Variants in ADAM22 observed in about 807,000 individuals in gnomAD.
ADAM22 encodes disintegrin and metalloproteinase domain-containing protein 22.
ADAM22 carries 65 observed loss-of-function variants against 144.6 expected under a neutral mutation model. The observed-to-expected ratio is 0.45, with a 90% CI of 0.37 to 0.55. ADAM22 has a LOEUF of 0.55. ADAM22 is among the 20% of genes least tolerant of loss of function. The pLI is 0.00. For missense variants in ADAM22, 974 were observed against 1,184.9 expected, an observed-to-expected ratio of 0.82 and a Z score of 2.61; for synonymous variants, 391 against 412.6, an observed-to-expected ratio of 0.95 and a Z score of 0.63.
At chr7:87,979,984 A>C (rs549907844) in intron 3 of ADAM22, among the ~76,000 whole-genome samples, 1 of 152,120 alleles carries the variant, frequency 6.6e-6, no homozygotes, top group Non-Finnish European at 1.5e-5. Flanking sequence ...TTGACTTTTA[A>C]TACTCAAACA....
intron 2 of ADAM22, among the ~76,000 whole-genome samples, chr7:87,976,747 A>G (rs925822358): frequency 6.6e-6 from 1 of 152,182 alleles, no homozygotes; most frequent in Non-Finnish European, 1.5e-5. Context: ...CTTTTGAACT[A>G]AAGAGCAGAA....
chr7:88,176,652 T>C (rs984956648), intron 26 of ADAM22, among the ~76,000 whole-genome samples: 1 of 152,202 alleles, frequency 6.6e-6, no homozygotes, highest in African/African-American at 2.4e-5. Context: ...TTACTTAATG[T>C]TTAAATTTAA....
intron 3 of ADAM22, among the ~76,000 whole-genome samples, chr7:87,988,848 ACT>A (rs748788977): frequency 3.4e-4 from 52 of 152,176 alleles, no homozygotes; most frequent in Non-Finnish European, 5.6e-4. Flanking sequence ...TGGTAAAATA[ACT>A]CTGTTACAGG....
intron 8 of ADAM22, among the ~76,000 whole-genome samples, chr7:88,126,382 G>A (rs574254700): frequency 6.6e-6 from 1 of 152,036 alleles, no homozygotes; most frequent in South Asian, 2.1e-4. Context: ...ACAAGATGAA[G>A]GGAATAGATC....
chr7:88,098,872 T>A (rs1218674406), intron 4 of ADAM22, among the ~76,000 whole-genome samples: 1 of 152,228 alleles, frequency 6.6e-6, no homozygotes, highest in Non-Finnish European at 1.5e-5. Context: ...TTTTGGTTTT[T>A]AAAATGTTTT....
In ADAM22 at chr7:88,163,777, G is replaced by C. The variant is rs546290885; in HGVS notation, c.2076+597G>C. ...TATCAGATAATGTGTATCCTGTACA[G>C]GTAAGTTTACAGGTTAAATATTCAT... On this transcript the variant is annotated intron_variant, in intron 23 of 31. Coordinates refer to ENST00000413139, the MANE Select transcript of ADAM22 (RefSeq NM_001324418.2). Among the ~76,000 whole-genome samples, 299 of 152,160 alleles carry C rather than the reference G, an allele frequency of 2.0e-3. 1 individual carries two copies. Among genetic ancestry groups the C allele is most frequent in the Non-Finnish European group, 3.6e-3 (242 of 67,972 alleles).
At chr7:88,001,773 C>T (rs1207862818) in intron 3 of ADAM22, among the ~76,000 whole-genome samples, 1 of 151,670 alleles carries the variant, frequency 6.6e-6, no homozygotes, top group Non-Finnish European at 1.5e-5. Flanking sequence ...TATAATTCTC[C>T]TGTTACTAGC....
In ADAM22 at chr7:88,182,030, T is replaced by G. The variant is rs781350221; in HGVS notation, c.2663+6T>G. 1 of 1,611,578 alleles carries G rather than the reference T, an allele frequency of 6.2e-7. No individual in the cohort carries two copies. ...CCTCGGTCTAATTCAACTGAGTAAG[T>G]CTGAACCTCTAATGGAAAAAGGCAC... is the stretch of plus-strand genomic sequence containing the variant. On this transcript the variant is annotated splice_donor_region_variant and intron_variant, in intron 29 of 31. Transcript: ENST00000413139.
At chr7:88,077,461 G>A (rs528329559) in intron 4 of ADAM22, among the ~76,000 whole-genome samples, 15 of 152,248 alleles carry the variant, frequency 9.9e-5, no homozygotes, top group African/African-American at 2.9e-4. Flanking sequence ...CTGAGGTACC[G>A]GGTTCATCTC....
At chr7:87,968,660 T>G (rs2129446740) in intron 2 of ADAM22, among the ~76,000 whole-genome samples, 1 of 152,256 alleles carries the variant, frequency 6.6e-6, no homozygotes, top group South Asian at 2.1e-4. Context: ...AATTTGAGGT[T>G]ACAGTGAGCT....
chr7:87,958,540 C>T (rs2129444802), intron 2 of ADAM22, among the ~76,000 whole-genome samples: 1 of 152,116 alleles, frequency 6.6e-6, no homozygotes, highest in African/African-American at 2.4e-5. Context: ...CACGCACCAT[C>T]ATGCCCAGCT....
At chr7:87,998,917 T>C (rs1373713897) in intron 3 of ADAM22, among the ~76,000 whole-genome samples, 3 of 152,202 alleles carry the variant, frequency 2.0e-5, no homozygotes, top group African/African-American at 7.2e-5. Flanking sequence ...GATTAAAAGT[T>C]GTTATCCTTC....
At chr7:88,060,820 T>C (rs58850563) in intron 3 of ADAM22, among the ~76,000 whole-genome samples, 62,739 of 150,628 alleles carry the variant, frequency 0.42, 14,398 homozygotes, top group South Asian at 0.6. Context: ...AAGAAGTGAC[T>C]CGGCCAGGTG....
At chr7:88,009,842 T>G (rs1162496057) in intron 3 of ADAM22, among the ~76,000 whole-genome samples, 1 of 152,166 alleles carries the variant, frequency 6.6e-6, no homozygotes, top group East Asian at 1.9e-4. Context: ...GTTTTGTTGA[T>G]TGAGTCAGCA....
rs571737663 is a variant in ADAM22 at position 88,171,664 on chromosome 7, A to G, written c.2300+103A>G. 1,620 of 1,048,864 alleles carry G rather than the reference A, an allele frequency of 1.5e-3. 7 individuals carry two copies. Among genetic ancestry groups the G allele is most frequent in the Non-Finnish European group, 2.0e-3 (1,480 of 733,186 alleles). 65.0% of individuals were successfully genotyped at this position (1,048,864 alleles called of 1,614,324 possible). Reference sequence around the variant, plus strand: ...TTATAATTAAGTTCACTTTGTTTTTATGTATAATAATCATACACTAATCGA... The same window carrying G: ...TTATAATTAAGTTCACTTTGTTTTTGTGTATAATAATCATACACTAATCGA... On this transcript the variant is annotated intron_variant, in intron 26 of 31. Coordinates refer to ENST00000413139, the MANE Select transcript of ADAM22 (RefSeq NM_001324418.2).
rs55721029 is a variant in ADAM22, at chr7:88,135,277, C to CA, written c.1169-677dup. ...TGGGCCACAGAGCGAGACTCCATCT[C>CA]AAAAAAAAAAAAAAAAAAAAAAAAA... is the stretch of plus-strand genomic sequence containing the variant. On this transcript the variant is annotated intron_variant, in intron 13 of 31. Coordinates refer to ENST00000413139, the MANE Select transcript of ADAM22 (RefSeq NM_001324418.2). Among the ~76,000 whole-genome samples the CA allele has an allele frequency of 4.4e-3, 268 of 60,446 alleles. 4 individuals carry two copies. The highest frequency in any genetic ancestry group is 0.024 in the Middle Eastern group (2 of 84). The allele number at this position is 60,446 out of a possible 152,430, so 39.7% of individuals were successfully genotyped here.
chr7:88,099,613 A>T (rs1822374612), intron 4 of ADAM22, among the ~76,000 whole-genome samples: 1 of 152,190 alleles, frequency 6.6e-6, no homozygotes, highest in Non-Finnish European at 1.5e-5. Context: ...TTATAGTGAA[A>T]TATTACTGAG....
intron 7 of ADAM22, 44 bp downstream of exon 7, chr7:88,116,858 A>T: frequency 7.1e-7 from 1 of 1,418,350 alleles, no homozygotes; most frequent in Non-Finnish European, 9.9e-7. Flanking sequence ...AGACAACTTC[A>T]GTAATTTATT....
rs1338476510 is a variant in ADAM22, at chr7:88,200,650, TTCCAC to T, written c.*4163_*4167del. 2 of 152,252 alleles carry T rather than the reference TTCCAC, an allele frequency of 1.3e-5. No individual in the cohort carries two copies. The highest frequency in any genetic ancestry group is 4.8e-5 in the African/African-American group (2 of 41,474). The allele number at this position is 152,252 out of a possible 1,614,324, so 9.4% of individuals were successfully genotyped here. On this transcript the variant is annotated 3_prime_UTR_variant, in exon 32 of 32. Coordinates refer to ENST00000413139, the MANE Select transcript of ADAM22 (RefSeq NM_001324418.2). ...TTCTAAAACTGCCACCTAAATACCT[TTCCAC>T]TCCGTTAAATGTATGGAGTCAAGAT...
Sources: allele counts gnomAD v4.1 joint callset (sites outside exome capture counted in the v4.1 genomes callset), GRCh38; gene constraint gnomAD v4.1.1; transcripts MANE v1.5; gene names NCBI Gene and HGNC (gene_info 2026-07-23, HGNC 2026-07-21).